Variants in NAV1 observed in about 807,000 individuals in gnomAD.
NAV1 encodes neuron navigator 1.
In NAV1, 18 loss-of-function variants were observed where a neutral mutation model predicts 175.2. That is an observed-to-expected ratio of 0.10 (90% CI 0.07 to 0.15). The LOEUF (loss-of-function observed/expected upper bound fraction) is 0.15. NAV1 is among the 10% of genes least tolerant of loss of function. The pLI, the probability that NAV1 is intolerant of heterozygous loss-of-function variation, is 1.00. For missense variants in NAV1, 1,731 were observed against 2,436.6 expected, an observed-to-expected ratio of 0.71 and a Z score of 6.10; for synonymous variants, 897 against 978.7, an observed-to-expected ratio of 0.92 and a Z score of 1.56.
intron 1 of NAV1, among the ~76,000 whole-genome samples, chr1:201,555,988 G>A (rs1665999969): frequency 6.6e-6 from 1 of 152,126 alleles, no homozygotes; most frequent in South Asian, 2.1e-4. Context: ...GGGAGACTTA[G>A]GATTTCAGGT....
At chr1:201,634,617 T>C (rs1020559723) in intron 2 of NAV1, among the ~76,000 whole-genome samples, 1 of 152,190 alleles carries the variant, frequency 6.6e-6, no homozygotes, top group Non-Finnish European at 1.5e-5. Context: ...GGAGTCTGGA[T>C]GCTATTTCTT....
intron 28 of NAV1, among the ~76,000 whole-genome samples, chr1:201,814,928 A>G (rs1678929297): frequency 6.6e-6 from 1 of 150,774 alleles, no homozygotes; most frequent in African/African-American, 2.4e-5. Flanking sequence ...AGTCCCAGCT[A>G]CTCGGGAGGC....
Position 201,757,488 on chromosome 1 carries a change from G to A in NAV1, c.1227-22933G>A, listed in dbSNP as rs117269124. Among the ~76,000 whole-genome samples, 381 of 152,188 alleles carry A rather than the reference G, an allele frequency of 2.5e-3. 12 individuals carry two copies. In the East Asian group the frequency reaches 0.047, roughly 19 times the overall value. On this transcript the variant is annotated intron_variant, in intron 3 of 29. Transcript: ENST00000367296. ...AGGCTGGTCTTGAACTCCTGGCCTC[G>A]AGCGATTCTTCTGCTTTTGCTGGAA...
chr1:201,720,030 A>G (rs934521569), intron 3 of NAV1, among the ~76,000 whole-genome samples: 1 of 152,212 alleles, frequency 6.6e-6, no homozygotes, highest in African/African-American at 2.4e-5. Context: ...ACTGCCTGTT[A>G]AATCCCAGGG....
intron 5 of NAV1, 90 bp downstream of exon 9, chr1:201,781,399 G>A: frequency 7.9e-7 from 1 of 1,265,082 alleles, no homozygotes. Flanking sequence ...TAGGATGATA[G>A]CAAACATTTG....
intron 1 of NAV1, among the ~76,000 whole-genome samples, chr1:201,571,591 G>C (rs1571826758): frequency 6.6e-6 from 1 of 152,336 alleles, no homozygotes; most frequent in East Asian, 1.9e-4. Flanking sequence ...GCTGTCCCTA[G>C]GTCTCTGGCT....
At chr1:201,593,873 T>C (rs1667278697) in intron 2 of NAV1, among the ~76,000 whole-genome samples, 2 of 152,124 alleles carry the variant, frequency 1.3e-5, no homozygotes, top group Non-Finnish European at 2.9e-5. Context: ...TGGATGAGCC[T>C]GGGGCCATTG....
At chr1:201,637,669 C>T (rs1262560686) in intron 2 of NAV1, among the ~76,000 whole-genome samples, 1 of 152,200 alleles carries the variant, frequency 6.6e-6, no homozygotes, top group Non-Finnish European at 1.5e-5. Flanking sequence ...TCTAGATTTG[C>T]CCATCCCGAA....
intron 15 of NAV1, among the ~76,000 whole-genome samples, chr1:201,799,768 G>T (rs554591939): frequency 2.6e-5 from 4 of 151,610 alleles, no homozygotes; most frequent in African/African-American, 9.7e-5. Context: ...GCTGAGACAG[G>T]AGAATTGCTT....
intron 1 of NAV1, among the ~76,000 whole-genome samples, chr1:201,704,405 C>T (rs1671575578): frequency 6.6e-6 from 1 of 152,196 alleles, no homozygotes; most frequent in African/African-American, 2.4e-5. Context: ...CAGCAACAAG[C>T]CCCCAGAGAG....
At chr1:201,655,199 C>A (rs1036554982) in intron 1 of NAV1, among the ~76,000 whole-genome samples, 1 of 152,296 alleles carries the variant, frequency 6.6e-6, no homozygotes, top group Admixed American at 6.5e-5. Context: ...GGCTCCCTAC[C>A]GGGGACCCAC....
intron 1 of NAV1, among the ~76,000 whole-genome samples, chr1:201,557,765 T>C (rs1666073840): frequency 6.6e-6 from 1 of 152,026 alleles, no homozygotes; most frequent in South Asian, 2.1e-4. Flanking sequence ...ATGTCAAACG[T>C]GGTTTTGTTC....
At chr1:201,599,650 T>C (rs377297805) in intron 2 of NAV1, among the ~76,000 whole-genome samples, 2 of 152,200 alleles carry the variant, frequency 1.3e-5, no homozygotes, top group African/African-American at 4.8e-5. Context: ...GCGTCTGTCA[T>C]GAGCCCCTCT....
rs762452787 is a variant in NAV1, at chr1:201,642,525, T to TTTTCTTTC, written c.5-6085_5-6078dup. On this transcript the variant is annotated intron_variant, in intron 2 of 29. Transcript: ENST00000367302. Reference sequence around the variant, plus strand: ...CCGCACCCGGCCTCTTTCTTTCTTTTTTTCTTTCTTTCTTTCTTTCTTTCT... The same window carrying TTTTCTTTC: ...CCGCACCCGGCCTCTTTCTTTCTTTTTTTCTTTCTTTCTTTCTTTCTTTCTTTCTTTCT... 1.5e-3 allele frequency among the ~76,000 whole-genome samples: 154 copies of TTTTCTTTC among 100,406 alleles called. 7 individuals are homozygous for TTTTCTTTC. Among genetic ancestry groups the TTTTCTTTC allele is most frequent in the South Asian group, 6.2e-3 (23 of 3,720 alleles). 65.9% of individuals were successfully genotyped at this position (100,406 alleles called of 152,430 possible).
intron 1 of NAV1, among the ~76,000 whole-genome samples, chr1:201,679,310 C>T (rs1026204054): frequency 1.3e-5 from 2 of 152,166 alleles, no homozygotes; most frequent in Non-Finnish European, 2.9e-5. Flanking sequence ...GAAAGTGAGT[C>T]AGCCACGTGA....
At chr1:201,618,785 TAA>T (rs2102270929), upstream of NAV1, among the ~76,000 whole-genome samples, 1 of 152,350 alleles carries the variant, frequency 6.6e-6, no homozygotes, top group African/African-American at 2.4e-5. Context: ...AGGTTGTTGT[TAA>T]GAACTAGAAA....
intron 1 of NAV1, among the ~76,000 whole-genome samples, chr1:201,650,633 G>A (rs558735652): frequency 9.8e-5 from 15 of 152,362 alleles, no homozygotes; most frequent in Non-Finnish European, 1.6e-4. Flanking sequence ...CGGCCCTGGA[G>A]AATGCGAAGC....
At chr1:201,699,175 G>T (rs1322522423) in intron 1 of NAV1, among the ~76,000 whole-genome samples, 1 of 152,212 alleles carries the variant, frequency 6.6e-6, no homozygotes, top group African/African-American at 2.4e-5. Context: ...TGACATGATT[G>T]TATATTTAGA....
intron 15 of NAV1, among the ~76,000 whole-genome samples, chr1:201,802,136 C>CAAAAAAAAAAAAAAAA (rs771631007): frequency 4.4e-4 from 9 of 20,302 alleles, no homozygotes; most frequent in African/African-American, 1.0e-3. Flanking sequence ...GACTCCGTCT[C>CAAAAAAAAAAAAAAAA]AAAAAAAAAA....
Sources: gnomAD v4.1 joint callset for allele counts (sites outside exome capture counted in the v4.1 genomes callset) on GRCh38, gnomAD v4.1.1 for gene constraint, MANE v1.5 for transcripts, NCBI Gene and HGNC (gene_info 2026-07-23, HGNC 2026-07-21) for gene names.